Variants in CHMP4C observed in about 807,000 individuals in gnomAD.
CHMP4C encodes charged multivesicular body protein 4C.
Under a neutral mutation model 29.0 loss-of-function variants are expected in CHMP4C, and 28 were observed. The ratio of observed to expected loss-of-function variants is 0.97; its 90% CI spans 0.72 to 1.32. The LOEUF is 1.32. Among genes scored for constraint, CHMP4C ranks in the 40% most tolerant of loss-of-function variants. The pLI, the probability that CHMP4C is intolerant of heterozygous loss-of-function variation, is 0.00. For missense variants in CHMP4C, 291 were observed against 281.0 expected (o/e 1.04, Z -0.25); for synonymous variants, 106 against 102.4 (o/e 1.04, Z -0.21).
rs1349719993 is a variant in CHMP4C, at chr8:81,759,041, T to TGG, written c.*503_*504dup. 4.1e-5 allele frequency: 2 copies of TGG among 49,160 alleles called. No individual in the cohort carries two copies. The highest frequency in any genetic ancestry group is 1.4e-4 in the African/African-American group (2 of 13,904). 3.0% of individuals were successfully genotyped at this position (49,160 alleles called of 1,614,324 possible). On this transcript the variant is annotated 3_prime_UTR_variant, in exon 5 of 5. Coordinates refer to ENST00000297265, the MANE Select transcript of CHMP4C (RefSeq NM_152284.4). ...AAAATACATTTAGTATAGCGGGGGG[T>TGG]GGGGGGGAGAAATAATGTTATTTCC...
At chr8:81,733,848 GT>G (rs775626921) in intron 1 of CHMP4C, among the ~76,000 whole-genome samples, 4 of 152,180 alleles carry the variant, frequency 2.6e-5, no homozygotes, top group Non-Finnish European at 5.9e-5. Context: ...GCACCCTCAA[GT>G]TGGGCTTCTT....
chr8:81,732,777 A>G lies in CHMP4C; in HGVS notation c.151A>G (p.Ile51Val). 1 of 1,612,360 alleles carries G rather than the reference A, an allele frequency of 6.2e-7. No individual in the cohort carries two copies. The highest frequency in any genetic ancestry group is 1.3e-5 in the African/African-American group (1 of 75,046). Residue 51 changes from isoleucine (I) to valine (V), a missense_variant, in exon 1 of 5, where the codon ATC (isoleucine) becomes GTC (valine). By Grantham distance (29) the Ile-to-Val change is conservative. Coordinates refer to ENST00000297265, the MANE Select transcript of CHMP4C (RefSeq NM_152284.4). ...EYLENRIQRE[I>V]ALAKKHGTQN... ...CCTGGAAAATCGAATCCAGAGAGAAATCGCCCTGGCCAAGAAGCACGGCAC... is the reference window on the plus strand; with the variant it reads ...CCTGGAAAATCGAATCCAGAGAGAAGTCGCCCTGGCCAAGAAGCACGGCAC...
intron 1 of CHMP4C, among the ~76,000 whole-genome samples, chr8:81,746,857 G>C (rs768914108): frequency 4.6e-5 from 7 of 152,174 alleles, no homozygotes; most frequent in Non-Finnish European, 5.9e-5. Flanking sequence ...CCACCATGTG[G>C]TTCTGACAAC....
chr8:81,751,278 G>C (rs958272808), intron 1 of CHMP4C, among the ~76,000 whole-genome samples: 1 of 152,112 alleles, frequency 6.6e-6, no homozygotes, highest in East Asian at 1.9e-4. Context: ...ATAAATGATT[G>C]CTAGAATTGT....
At chr8:81,755,147 T>C (rs1177109204) in intron 2 of CHMP4C, among the ~76,000 whole-genome samples, 1 of 152,134 alleles carries the variant, frequency 6.6e-6, no homozygotes, top group Non-Finnish European at 1.5e-5. Context: ...TTTTAGTGAG[T>C]TCCAAATGTA....
intron 1 of CHMP4C, among the ~76,000 whole-genome samples, chr8:81,743,887 C>G (rs145314749): frequency 1.6e-4 from 25 of 152,294 alleles, no homozygotes; most frequent in African/African-American, 5.5e-4. Context: ...GGGCACTGAT[C>G]AGCCAGCCTA....
At chr8:81,742,207 C>A (rs906139303) in intron 1 of CHMP4C, among the ~76,000 whole-genome samples, 7 of 152,170 alleles carry the variant, frequency 4.6e-5, no homozygotes, top group African/African-American at 1.7e-4. Flanking sequence ...TCACTCTGCA[C>A]AACCTCCAAC....
chr8:81,739,097 CTTTT>C (rs68130793), intron 1 of CHMP4C, among the ~76,000 whole-genome samples: 3 of 100,726 alleles, frequency 3.0e-5, no homozygotes, highest in African/African-American at 4.0e-5. Flanking sequence ...TTTCTTTTCC[CTTTT>C]TTTTTTTTTT....
intron 1 of CHMP4C, 59 bp downstream of exon 1, chr8:81,732,875 G>A (rs1808637270): frequency 6.6e-7 from 1 of 1,517,266 alleles, no homozygotes; most frequent in African/African-American, 1.4e-5. Context: ...TTCCCTTGGG[G>A]ACAATCGGCC....
Position 81,747,597 on chromosome 8 carries a change from TG to T in CHMP4C, c.191-5462del, listed in dbSNP as rs1808843898. ...TGTTTCTGTTATGATGAGGTATTTT[TG>T]GGGGACCTGCCCCAAAAATCACATA... On this transcript the variant is annotated intron_variant, in intron 1 of 4. Transcript: ENST00000297265. Among the ~76,000 whole-genome samples, 5 of 152,276 alleles carry T rather than the reference TG, an allele frequency of 3.3e-5. No individual in the cohort carries two copies. The South Asian group carries it at 1.0e-3, about 32-fold the overall frequency.
rs920684862 is a variant in CHMP4C, at chr8:81,756,535, A to G, written c.483+1051A>G. ...TAAAAACTTTGTGTAAGTCTCTTTTACTTTTCTGACTGTTAGTTTTCTTAT... is the reference window on the plus strand; with the variant it reads ...TAAAAACTTTGTGTAAGTCTCTTTTGCTTTTCTGACTGTTAGTTTTCTTAT... On this transcript the variant is annotated intron_variant, in intron 3 of 4. Coordinates refer to ENST00000297265, the MANE Select transcript of CHMP4C (RefSeq NM_152284.4). Among the ~76,000 whole-genome samples, 5 of 152,112 alleles carry G rather than the reference A, an allele frequency of 3.3e-5. 1 individual carries two copies. Among genetic ancestry groups the G allele is most frequent in the Non-Finnish European group, 7.4e-5 (5 of 67,998 alleles).
intron 1 of CHMP4C, among the ~76,000 whole-genome samples, chr8:81,747,391 G>A (rs997068565): frequency 1.3e-5 from 2 of 151,868 alleles, no homozygotes; most frequent in African/African-American, 4.8e-5. Context: ...TACCCGTTCG[G>A]TTCCAAATAT....
chr8:81,743,030 TA>T (rs1336154755), intron 1 of CHMP4C, among the ~76,000 whole-genome samples: 3 of 152,034 alleles, frequency 2.0e-5, no homozygotes, highest in South Asian at 2.1e-4. Context: ...AGGAGCTATA[TA>T]TTTTTTAAGA....
intron 1 of CHMP4C, 99 bp from the exon 2 acceptor site, chr8:81,752,965 G>C: frequency 1.0e-6 from 1 of 969,150 alleles, no homozygotes. Context: ...GTTGTCCTTA[G>C]TTATCAGAAG....
At chr8:81,747,062 G>A (rs1808834133) in intron 1 of CHMP4C, among the ~76,000 whole-genome samples, 1 of 152,144 alleles carries the variant, frequency 6.6e-6, no homozygotes, top group South Asian at 2.1e-4. Flanking sequence ...CAGATTTGAA[G>A]GTAAACAATC....
chr8:81,753,481 G>T, intron 2 of CHMP4C, among the ~76,000 whole-genome samples: 1 of 152,248 alleles, frequency 6.6e-6, no homozygotes, highest in Admixed American at 6.5e-5. Context: ...ATGATTGCTG[G>T]AAACTGTACC....
chr8:81,750,678 A>T (rs993323576), intron 1 of CHMP4C, among the ~76,000 whole-genome samples: 12 of 152,116 alleles, frequency 7.9e-5, no homozygotes, highest in African/African-American at 2.9e-4. Context: ...CAAAAGAGAG[A>T]AAACAGAATG....
chr8:81,750,381 G>T (rs1020688907), intron 1 of CHMP4C, among the ~76,000 whole-genome samples: 3 of 151,698 alleles, frequency 2.0e-5, no homozygotes, highest in African/African-American at 7.3e-5. Flanking sequence ...GAGTAGGATT[G>T]CTTGAGGCCA....
chr8:81,758,996 G>C lies in CHMP4C; in HGVS notation c.*452G>C, dbSNP rs576346019. On this transcript the variant is annotated 3_prime_UTR_variant, in exon 5 of 5. Coordinates refer to ENST00000297265, the MANE Select transcript of CHMP4C (RefSeq NM_152284.4). ...AGACTGGGCAACAGAGGGAGACTCC[G>C]TCTCAAAAACTAAAAAAAAAAAATA... The C allele has an allele frequency of 8.7e-6, 1 of 115,438 alleles. No homozygotes were observed. The highest frequency in any genetic ancestry group is 3.3e-5 in the African/African-American group (1 of 30,610). The allele number at this position is 115,438 out of a possible 1,614,324, so 7.2% of individuals were successfully genotyped here.
Sources: allele counts gnomAD v4.1 joint callset (sites outside exome capture counted in the v4.1 genomes callset), GRCh38; gene constraint gnomAD v4.1.1; transcripts MANE v1.5; gene names NCBI Gene and HGNC (gene_info 2026-07-23, HGNC 2026-07-21).